Variants in AP1G1 observed in about 807,000 individuals in gnomAD.
The protein encoded by AP1G1 is adaptor related protein complex 1 subunit gamma 1.
AP1G1 carries 7 observed loss-of-function variants against 108.3 expected under a neutral mutation model. The ratio of observed to expected loss-of-function variants is 0.06; its 90% CI spans 0.04 to 0.12. AP1G1 has a LOEUF of 0.12. AP1G1 is among the 10% of genes least tolerant of loss of function. The pLI is 1.00. For missense variants in AP1G1, 756 were observed against 1,010.7 expected (o/e 0.75, Z 3.42); for synonymous variants, 379 against 353.5 (o/e 1.07, Z -0.81).
chr16:71,790,129 T>C (rs1007109911), intron 1 of AP1G1, among the ~76,000 whole-genome samples: 5 of 149,666 alleles, frequency 3.3e-5, no homozygotes, highest in African/African-American at 4.9e-5. Context: ...ATAAGGGACA[T>C]ATAACAGCCT....
Position 71,732,869 on chromosome 16 carries a change from TGGA to T in AP1G1, c.*186_*188del. On this transcript the variant is annotated 3_prime_UTR_variant, in exon 23 of 23. Transcript: ENST00000299980. ...CTCCAGAAGCAGCCAGCCTCAACAG[TGGA>T]GGAGAGGACATTAGTCTTTAACAAT... 1.9e-6 allele frequency: 1 copy of T among 536,446 alleles called. No homozygotes were observed. The allele number at this position is 536,446 out of a possible 1,614,324, so 33.2% of individuals were successfully genotyped here.
chr16:71,786,002 G>A (rs776108905), intron 2 of AP1G1, among the ~76,000 whole-genome samples: 2 of 152,130 alleles, frequency 1.3e-5, no homozygotes, highest in Non-Finnish European at 2.9e-5. Context: ...TAATTCCAAC[G>A]GATGGGGTAC....
intron 6 of AP1G1, among the ~76,000 whole-genome samples, chr16:71,766,607 G>A (rs888758180): frequency 6.6e-6 from 1 of 152,038 alleles, no homozygotes; most frequent in Non-Finnish European, 1.5e-5. Context: ...CTCTTTTGCA[G>A]GCAATTTTAG....
At position 71,789,389 on chromosome 16, in the gene AP1G1, A is replaced by T. The variant is rs1281863838; in HGVS notation, c.91T>A (p.Cys31Ser). The change falls in exon 2 of 23, where the codon TGT becomes AGT. Residue 31 changes from cysteine (C) to serine (S), a missense_variant. By Grantham distance (112) the Cys-to-Ser change is moderately radical (BLOSUM62 -1). Coordinates refer to ENST00000299980, the MANE Select transcript of AP1G1 (RefSeq NM_001128.6). The part of the protein sequence containing the change: ...AEEREMIQKE[C>S]AAIRSSFREE... ...CTAAAAGATGACCGGATTGCAGCAC[A>T]TTCTTTCTGGATCATTTCTCGTTCT... The T allele has an allele frequency of 1.2e-6, 2 of 1,614,070 alleles. No individual in the cohort carries two copies. Among genetic ancestry groups the T allele is most frequent in the African/African-American group, 1.3e-5 (1 of 74,928 alleles).
At chr16:71,800,917 C>A (rs2032772950) in intron 1 of AP1G1, among the ~76,000 whole-genome samples, 1 of 152,152 alleles carries the variant, frequency 6.6e-6, no homozygotes, top group Admixed American at 6.6e-5. Flanking sequence ...ATCACTTGAA[C>A]CTGGGAGGCG....
intron 1 of AP1G1, among the ~76,000 whole-genome samples, chr16:71,801,940 A>G (rs1165337738): frequency 1.3e-5 from 2 of 151,128 alleles, no homozygotes; most frequent in South Asian, 2.1e-4. Context: ...AAAAAAAAAA[A>G]GAAAAGAAAA....
rs2031273773 is a variant in AP1G1, at chr16:71,765,435, C to T, written c.738+54G>A. On this transcript the variant is annotated intron_variant, in intron 7 of 22. Transcript: ENST00000299980. ...AACTTAAGAGGAAGGAAATTGTCTACTTAAAGATATTAAATTCATATAACA... is the reference window on the plus strand; with the variant it reads ...AACTTAAGAGGAAGGAAATTGTCTATTTAAAGATATTAAATTCATATAACA... The T allele has an allele frequency of 9.1e-6, 12 of 1,321,714 alleles. No homozygotes were observed. In the South Asian group the frequency reaches 1.4e-4, roughly 15 times the overall value. 81.9% of individuals were successfully genotyped at this position (1,321,714 alleles called of 1,614,324 possible).
chr16:71,751,769 T>TA (rs1183537559), intron 13 of AP1G1, among the ~76,000 whole-genome samples: 2 of 152,126 alleles, frequency 1.3e-5, no homozygotes, highest in African/African-American at 4.8e-5. Flanking sequence ...TTCTGGGTCA[T>TA]AAAAAATATC....
At chr16:71,808,275 G>A in intron 1 of AP1G1, 1 of 937,924 alleles carries the variant, frequency 1.1e-6, no homozygotes, top group Middle Eastern at 4.9e-4. Context: ...CGAGGCCGAT[G>A]TCCGGTTCCG....
At chr16:71,786,297 C>T (rs2032200949) in intron 2 of AP1G1, among the ~76,000 whole-genome samples, 2 of 151,940 alleles carry the variant, frequency 1.3e-5, no homozygotes, top group Non-Finnish European at 2.9e-5. Flanking sequence ...AAATATCCCC[C>T]AAAGTCTTAA....
In AP1G1 at chr16:71,756,019, T is replaced by G. The variant is rs746899725; in HGVS notation, c.1229A>C (p.Lys410Thr). 4.4e-6 allele frequency: 7 copies of G among 1,606,994 alleles called. No homozygotes were observed. The highest frequency in any genetic ancestry group is 5.9e-6 in the Non-Finnish European group (7 of 1,177,686). Reference sequence around the variant, plus strand: ...AATAAAGGTAAAAATTAAATCTTACTTTTCTGCAGCAAGAAAGATTCCAGA... The same window carrying G: ...AATAAAGGTAAAAATTAAATCTTACGTTTCTGCAGCAAGAAAGATTCCAGA... ...CASGIFLAAE[K>T]YAPSKRWHID... Residue 410 changes from lysine (K) to threonine (T), a missense_variant and splice_region_variant, in exon 12 of 23, where the codon AAG becomes ACG. Around this residue, in one of 3 missense-constraint regions of AP1G1, gnomAD observed 357 missense variants for 366.5 expected, o/e 0.97. Transcript: ENST00000299980.
rs559732733 is a variant in AP1G1, at chr16:71,742,133, T to G, written c.2000-2792A>C. The G allele has an allele frequency of 3.9e-5, 6 of 152,240 alleles. No individual in the cohort carries two copies. The East Asian group carries it at 1.2e-3, about 29-fold the overall frequency. The allele number at this position is 152,240 out of a possible 1,614,324, so 9.4% of individuals were successfully genotyped here. A position where few individuals can be genotyped will look rare whatever the true frequency, so the allele number is the denominator to read the frequency against. The stretch of plus-strand genomic sequence containing the variant: ...CAAGAAAACCCAGACTTTTTAACAT[T>G]TTATCATTTTGCTTTAACATATAAC... On this transcript the variant is annotated intron_variant, in intron 19 of 22. Transcript: ENST00000299980.
rs767207703 is a variant in AP1G1 at position 71,764,630 on chromosome 16, T to C, written c.819+16A>G. 1.9e-5 allele frequency: 29 copies of C among 1,534,596 alleles called. 1 individual carries two copies. The highest frequency in any genetic ancestry group is 3.7e-5 in the South Asian group (3 of 80,998). On this transcript the variant is annotated intron_variant, in intron 8 of 22. Transcript: ENST00000299980. ...AACTAAAATAAATATATATTTAATA[T>C]GTTTGGTCTACTCACCTGTGCTAAT... is the stretch of plus-strand genomic sequence containing the variant.
chr16:71,737,652 G>A (rs1597032652), intron 21 of AP1G1, among the ~76,000 whole-genome samples: 1 of 152,222 alleles, frequency 6.6e-6, no homozygotes, highest in African/African-American at 2.4e-5. Context: ...TTGCATGAGA[G>A]TCAGAGGATG....
chr16:71,736,098 C>CAAAAAAAAAAAAAAAAAAAAA (rs1213680207), intron 21 of AP1G1, among the ~76,000 whole-genome samples: 1 of 25,426 alleles, frequency 3.9e-5, no homozygotes, highest in Non-Finnish European at 5.9e-5. Flanking sequence ...GACTCCATCT[C>CAAAAAAAAAAAAAAAAAAAAA]AAAAAAAAAA....
At chr16:71,781,622 C>T (rs908627338) in intron 2 of AP1G1, among the ~76,000 whole-genome samples, 13 of 152,150 alleles carry the variant, frequency 8.5e-5, no homozygotes, top group African/African-American at 2.7e-4. Flanking sequence ...TATTCCCGCT[C>T]TTTTCACTCA....
intron 6 of AP1G1, among the ~76,000 whole-genome samples, chr16:71,767,318 A>AG (rs2145476434): frequency 6.6e-6 from 1 of 152,352 alleles, no homozygotes; most frequent in East Asian, 1.9e-4. Flanking sequence ...AAGATGACAC[A>AG]GGGAAAGGCT....
intron 6 of AP1G1, 136 bp from the exon 7 acceptor site, chr16:71,765,720 T>C (rs1597060013): frequency 9.3e-6 from 6 of 646,300 alleles, no homozygotes; most frequent in African/African-American, 3.7e-5. Flanking sequence ...TACTAGTGTA[T>C]TGTAGATGTT....
chr16:71,792,564 G>C (rs2032443345), intron 1 of AP1G1, among the ~76,000 whole-genome samples: 1 of 152,118 alleles, frequency 6.6e-6, no homozygotes, highest in South Asian at 2.1e-4. Context: ...AGAATTACAA[G>C]TGAGGAGGCC....
Sources: allele counts gnomAD v4.1 joint callset (sites outside exome capture counted in the v4.1 genomes callset), GRCh38; gene constraint gnomAD v4.1.1; regional missense constraint gnomAD v4.1.1; transcripts MANE v1.5; gene names NCBI Gene and HGNC (gene_info 2026-07-23, HGNC 2026-07-21).